The following CCDC7 variants were observed in gnomAD, a reference collection of about 807,000 sequenced individuals.
The protein encoded by CCDC7 is coiled-coil domain-containing protein 7.
In CCDC7, 183 loss-of-function variants were observed where a neutral mutation model predicts 196.9. That is an observed-to-expected ratio of 0.93 (90% CI 0.82 to 1.05). The LOEUF is 1.05. Among genes scored for constraint, CCDC7 ranks in the 50% least tolerant of loss-of-function variants. The pLI is 0.00. For synonymous variants in CCDC7, 525 were observed against 484.6 expected (o/e 1.08, Z -1.10); for missense variants, 1,540 against 1,482.2 (o/e 1.04, Z -0.64).
chr10:32,808,729 C>T (rs546884210), intron 30 of CCDC7, among the ~76,000 whole-genome samples: 5 of 152,290 alleles, frequency 3.3e-5, no homozygotes, highest in African/African-American at 1.2e-4. Context: ...CACCTGGGGT[C>T]CCTGTCCCCA....
At chr10:32,772,074 T>C (rs535009673) in intron 28 of CCDC7, among the ~76,000 whole-genome samples, 9 of 152,316 alleles carry the variant, frequency 5.9e-5, no homozygotes, top group African/African-American at 2.2e-4. Context: ...CCAGGATGTG[T>C]GGCAGGGCAA....
intron 11 of CCDC7, among the ~76,000 whole-genome samples, chr10:32,539,546 TC>T (rs2051065446): frequency 6.6e-6 from 1 of 152,164 alleles, no homozygotes; most frequent in Non-Finnish European, 1.5e-5. Flanking sequence ...TTTTGGTACT[TC>T]TTGCCTTTTG....
intron 29 of CCDC7, among the ~76,000 whole-genome samples, chr10:32,802,577 T>C (rs2085026299): frequency 6.6e-6 from 1 of 152,174 alleles, no homozygotes; most frequent in South Asian, 2.1e-4. Flanking sequence ...GATAGATATA[T>C]AGACAAAAGG....
intron 8 of CCDC7, among the ~76,000 whole-genome samples, chr10:32,491,421 T>G (rs2042133058): frequency 6.6e-6 from 1 of 152,200 alleles, no homozygotes; most frequent in Non-Finnish European, 1.5e-5. Flanking sequence ...AAGTAGCATC[T>G]TAGGTTCTCT....
At chr10:32,668,189 A>G (rs1279481138) in intron 21 of CCDC7, among the ~76,000 whole-genome samples, 1 of 152,076 alleles carries the variant, frequency 6.6e-6, no homozygotes, top group South Asian at 2.1e-4. Flanking sequence ...TTGGTGTATA[A>G]GAATGCTTGT....
At chr10:32,559,105 A>G (rs1413504457) in intron 13 of CCDC7, among the ~76,000 whole-genome samples, 1 of 152,180 alleles carries the variant, frequency 6.6e-6, no homozygotes, top group Non-Finnish European at 1.5e-5. Flanking sequence ...GGCGGCAGCG[A>G]GGCTGGGGGA....
chr10:32,675,691 C>T (rs1369003540), intron 21 of CCDC7: 3 of 152,250 alleles, frequency 2.0e-5, no homozygotes, highest in Non-Finnish European at 4.4e-5. Flanking sequence ...CGTGAAGGAC[C>T]TCTTCAAGGA....
upstream of CCDC7, among the ~76,000 whole-genome samples, chr10:32,451,054 A>G (rs2032928535): frequency 6.6e-6 from 1 of 152,166 alleles, no homozygotes; most frequent in African/African-American, 2.4e-5. Context: ...TTATCATTTT[A>G]AATCTGAAAT....
intron 11 of CCDC7, among the ~76,000 whole-genome samples, chr10:32,523,644 A>G (rs1476667560): frequency 2.0e-5 from 3 of 151,882 alleles, no homozygotes; most frequent in Admixed American, 2.0e-4. Flanking sequence ...TGCTTTACAT[A>G]TCTGGGTGTT....
At chr10:32,690,996 T>C (rs886617123) in intron 23 of CCDC7, among the ~76,000 whole-genome samples, 4 of 152,142 alleles carry the variant, frequency 2.6e-5, no homozygotes, top group African/African-American at 9.7e-5. Context: ...GTGTCAGAGG[T>C]TGTGGGGATC....
intron 18 of CCDC7, among the ~76,000 whole-genome samples, chr10:32,625,858 A>G (rs2063971986): frequency 6.6e-6 from 1 of 152,068 alleles, no homozygotes; most frequent in African/African-American, 2.4e-5. Context: ...TTCACTTAGC[A>G]TAGTGTTCTA....
chr10:32,658,520 C>A (rs1318550195), intron 20 of CCDC7, among the ~76,000 whole-genome samples: 1 of 152,178 alleles, frequency 6.6e-6, no homozygotes, highest in East Asian at 1.9e-4. Flanking sequence ...CATTCAATTA[C>A]CTCCTGCTGG....
intron 24 of CCDC7, among the ~76,000 whole-genome samples, chr10:32,695,340 C>T (rs34152780): frequency 1.3e-5 from 2 of 152,114 alleles, no homozygotes; most frequent in Admixed American, 6.5e-5. Flanking sequence ...GTCATAGACT[C>T]TAATTGGCAA....
chr10:32,729,850 GTTA>G (rs1354723201), intron 28 of CCDC7, among the ~76,000 whole-genome samples: 2 of 151,562 alleles, frequency 1.3e-5, no homozygotes, highest in Non-Finnish European at 2.9e-5. Context: ...TACTTTATCT[GTTA>G]TTATGGCTCC....
At chr10:32,609,538 G>T (rs2061876835) in intron 18 of CCDC7, among the ~76,000 whole-genome samples, 1 of 150,656 alleles carries the variant, frequency 6.6e-6, no homozygotes, top group African/African-American at 2.4e-5. Flanking sequence ...CCATTCAGTT[G>T]GTCTATAGCT....
intron 28 of CCDC7, among the ~76,000 whole-genome samples, chr10:32,777,909 A>C (rs1046648539): frequency 1.4e-4 from 21 of 152,150 alleles, no homozygotes; most frequent in African/African-American, 5.1e-4. Context: ...ATGGTATCTC[A>C]TTGTGGTTTT....
intron 20 of CCDC7, among the ~76,000 whole-genome samples, chr10:32,653,176 A>C (rs1176321568): frequency 2.0e-5 from 3 of 152,130 alleles, no homozygotes; most frequent in Non-Finnish European, 4.4e-5. Flanking sequence ...TGGGACCTGA[A>C]GTCACTTTAG....
chr10:32,666,588 C>T (rs1208024535), intron 21 of CCDC7, among the ~76,000 whole-genome samples: 1 of 147,766 alleles, frequency 6.8e-6, no homozygotes, highest in African/African-American at 2.5e-5. Context: ...CAAGTGTTCT[C>T]ATTGTTCAAT....
At chr10:32,656,144 T>A (rs545437237) in intron 20 of CCDC7, among the ~76,000 whole-genome samples, 57 of 152,342 alleles carry the variant, frequency 3.7e-4, no homozygotes, top group Admixed American at 1.6e-3. Flanking sequence ...CCCTACGTTT[T>A]CTTCTAGTAG....
Sources: allele counts gnomAD v4.1 joint callset (sites outside exome capture counted in the v4.1 genomes callset), GRCh38; gene constraint gnomAD v4.1.1; transcripts MANE v1.5; gene names NCBI Gene and HGNC (gene_info 2026-07-23, HGNC 2026-07-21).